SLC14A2: variants seen among roughly 807,000 people sequenced by gnomAD.
SLC14A2 encodes solute carrier family 14 member 2.
Under a neutral mutation model 104.6 loss-of-function variants are expected in SLC14A2, and 91 were observed. The observed-to-expected ratio is 0.87, with a 90% CI of 0.73 to 1.04. The LOEUF (loss-of-function observed/expected upper bound fraction) is 1.04, where lower values mean the gene tolerates loss of function less well. Ranked by LOEUF, SLC14A2 falls within the 50% of genes least tolerant of loss-of-function variation. The probability of loss-of-function intolerance (pLI) is 0.00; values close to 1 mark genes in which losing one functional copy is unlikely to be tolerated. For missense variants in SLC14A2, 1,189 were observed against 1,156.0 expected (o/e 1.03, Z -0.41); for synonymous variants, 476 against 466.4 (o/e 1.02, Z -0.27).
intron 1 of SLC14A2, among the ~76,000 whole-genome samples, chr18:45,235,978 T>C (rs1442302756): frequency 8.1e-5 from 6 of 73,820 alleles, no homozygotes; most frequent in Non-Finnish European, 1.4e-4. Context: ...CATATATGTG[T>C]GTATATATGT....
chr18:45,557,450 T>C (rs1259061037), intron 2 of SLC14A2, among the ~76,000 whole-genome samples: 1 of 152,252 alleles, frequency 6.6e-6, no homozygotes, highest in East Asian at 1.9e-4. Flanking sequence ...TGTCACACTG[T>C]AGGCTCAGGT....
chr18:45,290,096 GT>G (rs1294253970), intron 1 of SLC14A2, among the ~76,000 whole-genome samples: 1 of 148,330 alleles, frequency 6.7e-6, no homozygotes, highest in South Asian at 2.1e-4. Flanking sequence ...TTGTTTCAAA[GT>G]TCTTTTGTAA....
intron 1 of SLC14A2, among the ~76,000 whole-genome samples, chr18:45,233,865 C>G (rs1327190481): frequency 1.3e-5 from 2 of 150,428 alleles, no homozygotes; most frequent in African/African-American, 4.9e-5. Flanking sequence ...TGCTTCTTAC[C>G]TTCTCACTTC....
intron 1 of SLC14A2, among the ~76,000 whole-genome samples, chr18:45,236,561 G>GTATATATGTA (rs1170339139): frequency 0.035 from 2,437 of 69,120 alleles, 474 homozygotes; most frequent in Non-Finnish European, 0.046. Flanking sequence ...GTATATATGT[G>GTATATATGTA]TATATATGTA....
rs545365236 is a variant in SLC14A2, at chr18:45,625,968, C to T, written c.331+105C>T. 55 of 877,574 alleles carry T rather than the reference C, an allele frequency of 6.3e-5. 2 individuals carry two copies. In the South Asian group the frequency reaches 1.6e-3, roughly 26 times the overall value. The allele number at this position is 877,574 out of a possible 1,614,324, so 54.4% of individuals were successfully genotyped here. ...TTCTCCCTCACTCATTCACCCTCAC[C>T]CTGGGTGGATCTGCCCAGGACTGGA... On this transcript the variant is annotated intron_variant, in intron 3 of 19. Transcript: ENST00000255226.
intron 1 of SLC14A2, among the ~76,000 whole-genome samples, chr18:45,234,397 A>T (rs1248720638): frequency 1.3e-5 from 2 of 152,226 alleles, no homozygotes; most frequent in Non-Finnish European, 2.9e-5. Context: ...TTAAGTCTTT[A>T]CTTACACAAG....
At chr18:45,411,295 A>G (rs2086212957) in intron 1 of SLC14A2, among the ~76,000 whole-genome samples, 1 of 152,210 alleles carries the variant, frequency 6.6e-6, no homozygotes, top group South Asian at 2.1e-4. Flanking sequence ...TGGTAATCTC[A>G]CCAGAAATTG....
intron 4 of SLC14A2, among the ~76,000 whole-genome samples, chr18:45,628,269 C>T (rs1050235202): frequency 1.3e-5 from 2 of 151,878 alleles, no homozygotes; most frequent in African/African-American, 4.8e-5. Flanking sequence ...TATGGTGAAA[C>T]CCCATCTCTA....
chr18:45,633,714 C>T (rs565766704), intron 5 of SLC14A2, among the ~76,000 whole-genome samples: 27 of 152,316 alleles, frequency 1.8e-4, no homozygotes, highest in Admixed American at 4.6e-4. Flanking sequence ...CTTTTAACAT[C>T]TCTAAGAAGT....
chr18:45,397,128 A>C (rs1305845046), intron 1 of SLC14A2, among the ~76,000 whole-genome samples: 1 of 152,150 alleles, frequency 6.6e-6, no homozygotes, highest in Non-Finnish European at 1.5e-5. Flanking sequence ...ATGAACATTT[A>C]TGTGCATGTG....
upstream of SLC14A2, among the ~76,000 whole-genome samples, chr18:45,610,960 T>C (rs2044962170): frequency 6.6e-6 from 1 of 152,214 alleles, no homozygotes; most frequent in Non-Finnish European, 1.5e-5. Context: ...GTAGGTTTAC[T>C]GCCTGCGATG....
At chr18:45,447,355 A>C (rs1183104165) in intron 1 of SLC14A2, 1 of 152,248 alleles carries the variant, frequency 6.6e-6, no homozygotes, top group Non-Finnish European at 1.5e-5. Flanking sequence ...TCCAAAGTGA[A>C]GATGTGAAGC....
At chr18:45,587,077 C>A (rs190658107) in intron 2 of SLC14A2, among the ~76,000 whole-genome samples, 2 of 152,062 alleles carry the variant, frequency 1.3e-5, no homozygotes, top group Non-Finnish European at 2.9e-5. Context: ...CAGGTTCAAG[C>A]GATTTTCCTG....
chr18:45,377,247 T>C (rs1177895883), intron 1 of SLC14A2, among the ~76,000 whole-genome samples: 1 of 150,662 alleles, frequency 6.6e-6, no homozygotes, highest in Non-Finnish European at 1.5e-5. Context: ...TGCTCAGGGG[T>C]GATTTTTTTT....
intron 2 of SLC14A2, among the ~76,000 whole-genome samples, chr18:45,577,712 G>A (rs373352818): frequency 3.9e-5 from 6 of 152,246 alleles, no homozygotes; most frequent in African/African-American, 1.4e-4. Context: ...TCCCATTGCT[G>A]TGAAGTACAG....
chr18:45,332,294 G>A (rs1435289227), intron 1 of SLC14A2, among the ~76,000 whole-genome samples: 1 of 152,098 alleles, frequency 6.6e-6, no homozygotes, highest in East Asian at 1.9e-4. Context: ...TACTAAACAT[G>A]TACAAACTTC....
chr18:45,560,881 C>T (rs1037844016), intron 2 of SLC14A2, among the ~76,000 whole-genome samples: 1 of 152,158 alleles, frequency 6.6e-6, no homozygotes, highest in Non-Finnish European at 1.5e-5. Flanking sequence ...GGCCAATGTG[C>T]TATCCTCATT....
intron 1 of SLC14A2, among the ~76,000 whole-genome samples, chr18:45,454,982 T>C (rs2086918062): frequency 6.6e-6 from 1 of 152,212 alleles, no homozygotes; most frequent in African/African-American, 2.4e-5. Flanking sequence ...GTCTTGGCAG[T>C]GCAGGCTCTT....
chr18:45,194,506 C>T, the SLC14A2 span, among the ~76,000 whole-genome samples: 1 of 151,936 alleles, frequency 6.6e-6, no homozygotes, highest in East Asian at 1.9e-4. Context: ...ATTTATTTTC[C>T]AGTGTTAATT....
Sources: allele counts gnomAD v4.1 joint callset (sites outside exome capture counted in the v4.1 genomes callset), GRCh38; gene constraint gnomAD v4.1.1; transcripts MANE v1.5; gene names NCBI Gene and HGNC (gene_info 2026-07-23, HGNC 2026-07-21).